The following IL23R variants were observed in gnomAD, a reference collection of about 807,000 sequenced individuals.
IL23R encodes interleukin-23 receptor.
A neutral mutation model predicts 56.9 loss-of-function variants in IL23R; 34 were observed. That is an observed-to-expected ratio of 0.60 (90% CI 0.45 to 0.80). The LOEUF (loss-of-function observed/expected upper bound fraction) is 0.80. Among genes scored for constraint, IL23R ranks in the 30% least tolerant of loss-of-function variants. IL23R has a pLI of 0.00. For missense variants in IL23R, 635 were observed against 730.0 expected (o/e 0.87, Z 1.50); for synonymous variants, 230 against 249.2 (o/e 0.92, Z 0.73).
chr1:67,262,304 T>C (rs1361088725), downstream of IL23R, among the ~76,000 whole-genome samples: 1 of 151,970 alleles, frequency 6.6e-6, no homozygotes, highest in African/African-American at 2.4e-5. Flanking sequence ...AGCTTACATT[T>C]TAGTAGGGGA....
chr1:67,139,347 G>A (rs1264107925), intron 1 of IL23R, among the ~76,000 whole-genome samples: 1 of 152,174 alleles, frequency 6.6e-6, no homozygotes. Context: ...GCTAGGCCAA[G>A]CACAGTGCCT....
intron 1 of IL23R, among the ~76,000 whole-genome samples, chr1:67,167,094 C>T (rs562166391): frequency 1.5e-4 from 23 of 152,158 alleles, no homozygotes; most frequent in Non-Finnish European, 2.6e-4. Context: ...AGATGAAAGG[C>T]TTTTTCCTCT....
At chr1:67,196,487 T>A (rs573175028) in intron 4 of IL23R, among the ~76,000 whole-genome samples, 2 of 152,248 alleles carry the variant, frequency 1.3e-5, no homozygotes, top group East Asian at 1.9e-4. Context: ...CTGCAGTGAG[T>A]TATGATTTGT....
At chr1:67,233,972 T>TGA (rs1181927412) in intron 7 of IL23R, among the ~76,000 whole-genome samples, 3 of 141,988 alleles carry the variant, frequency 2.1e-5, no homozygotes, top group African/African-American at 5.1e-5. Flanking sequence ...TGTGTGTGTG[T>TGA]GAGATTCTGT....
At chr1:67,202,748 A>C (rs372220951) in intron 5 of IL23R, among the ~76,000 whole-genome samples, 1 of 152,020 alleles carries the variant, frequency 6.6e-6, no homozygotes, top group African/African-American at 2.4e-5. Flanking sequence ...AATTTTTTTA[A>C]ATCTCTTTTA....
At chr1:67,218,697 A>C (rs1422920065) in intron 6 of IL23R, among the ~76,000 whole-genome samples, 1 of 151,190 alleles carries the variant, frequency 6.6e-6, no homozygotes, top group Non-Finnish European at 1.5e-5. Context: ...GCCAAGGCAG[A>C]GAGATGACTT....
At chr1:67,241,433 T>C (rs1206764192) in intron 9 of IL23R, among the ~76,000 whole-genome samples, 3 of 152,224 alleles carry the variant, frequency 2.0e-5, no homozygotes, top group Non-Finnish European at 2.9e-5. Flanking sequence ...GTTTGGTCTG[T>C]TGGAGTCTAG....
At chr1:67,228,015 TTTCTTC>T (rs1650787794) in intron 7 of IL23R, among the ~76,000 whole-genome samples, 1 of 94,766 alleles carries the variant, frequency 1.1e-5, no homozygotes. Flanking sequence ...TCTTTCTTTC[TTTCTTC>T]CTTTCTTTCT....
At chr1:67,140,214 G>A (rs1287359529) in intron 1 of IL23R, among the ~76,000 whole-genome samples, 1 of 152,080 alleles carries the variant, frequency 6.6e-6, no homozygotes, top group Non-Finnish European at 1.5e-5. Context: ...CACTTACTAT[G>A]CATGCAAAAG....
chr1:67,139,645 C>T (rs1451728315), intron 1 of IL23R, among the ~76,000 whole-genome samples: 1 of 152,170 alleles, frequency 6.6e-6, no homozygotes, highest in African/African-American at 2.4e-5. Flanking sequence ...GAATATTTGT[C>T]CCCTCCGAAA....
In IL23R at chr1:67,168,190, G is replaced by GGTAT. The variant is rs758357972; in HGVS notation, c.70+2_70+5dup. 1 of 1,600,588 alleles carries GGTAT rather than the reference G, an allele frequency of 6.2e-7. No individual in the cohort carries two copies. The highest frequency in any genetic ancestry group is 8.6e-7 in the Non-Finnish European group (1 of 1,167,870). Reference sequence around the variant, plus strand: ...CATACTCTTCAGCTGGTGTCATGGAGGTATGGTGTTTTATGTATCTATTGC... The same window carrying GGTAT: ...CATACTCTTCAGCTGGTGTCATGGAGGTATGTATGGTGTTTTATGTATCTATTGC... On this transcript the variant is annotated frameshift_variant and splice_region_variant. Transcript: ENST00000347310. LOFTEE classifies it high-confidence loss of function.
chr1:67,162,833 A>G (rs1336052151), upstream of IL23R, among the ~76,000 whole-genome samples: 2 of 152,210 alleles, frequency 1.3e-5, no homozygotes, highest in Non-Finnish European at 2.9e-5. Context: ...GAATTTAGAG[A>G]ATGATTACTG....
chr1:67,243,511 C>T (rs751649053), intron 9 of IL23R, among the ~76,000 whole-genome samples: 8 of 151,922 alleles, frequency 5.3e-5, no homozygotes, highest in African/African-American at 9.7e-5. Context: ...TCCTTGTGTC[C>T]GTGTGTTCTC....
At chr1:67,255,791 CTA>C in intron 9 of IL23R, 44 bp from the exon 10 acceptor site, 3 of 956,404 alleles carry the variant, frequency 3.1e-6, no homozygotes, top group Non-Finnish European at 5.1e-6. Flanking sequence ...TCCTAATCTC[CTA>C]TATGATTGCC....
chr1:67,151,582 G>A (rs1646728766), intron 1 of IL23R, among the ~76,000 whole-genome samples: 1 of 152,040 alleles, frequency 6.6e-6, no homozygotes. Context: ...TATGGTTTCA[G>A]GTTTTATATT....
intron 1 of IL23R, among the ~76,000 whole-genome samples, chr1:67,139,696 G>C (rs1646617282): frequency 6.6e-6 from 1 of 152,138 alleles, no homozygotes; most frequent in African/African-American, 2.4e-5. Context: ...AGTATTGAGA[G>C]GTGAGGCCTT....
At chr1:67,143,408 C>T (rs1558213826) in intron 1 of IL23R, among the ~76,000 whole-genome samples, 1 of 152,002 alleles carries the variant, frequency 6.6e-6, no homozygotes, top group Non-Finnish European at 1.5e-5. Context: ...GGGAGGTGAT[C>T]CCAGAAAGTG....
downstream of IL23R, among the ~76,000 whole-genome samples, chr1:67,261,688 A>G (rs1342862461): frequency 6.6e-6 from 1 of 152,194 alleles, no homozygotes; most frequent in Non-Finnish European, 1.5e-5. Flanking sequence ...CAAAAGACTA[A>G]GATAAATCTT....
chr1:67,168,841 G>A (rs1646904410), intron 2 of IL23R, among the ~76,000 whole-genome samples: 1 of 152,098 alleles, frequency 6.6e-6, no homozygotes, highest in Non-Finnish European at 1.5e-5. Flanking sequence ...CTCTAGTCTT[G>A]TGTCATGGTG....
Sources: gnomAD v4.1 joint callset for allele counts (sites outside exome capture counted in the v4.1 genomes callset) on GRCh38, gnomAD v4.1.1 for gene constraint, MANE v1.5 for transcripts, NCBI Gene and HGNC (gene_info 2026-07-23, HGNC 2026-07-21) for gene names.